Variants in TMPRSS11F observed in about 807,000 individuals in gnomAD.
TMPRSS11F encodes transmembrane serine protease 11F, also known as transmembrane protease serine 11F.
TMPRSS11F carries 47 observed loss-of-function variants against 60.2 expected under a neutral mutation model. The observed-to-expected ratio is 0.78, with a 90% CI of 0.62 to 1.00. TMPRSS11F has a LOEUF of 1.00. Among genes scored for constraint, TMPRSS11F ranks in the 50% least tolerant of loss-of-function variants. TMPRSS11F has a pLI of 0.00. For synonymous variants in TMPRSS11F, 166 were observed against 167.3 expected (o/e 0.99, Z 0.06); for missense variants, 519 against 522.9 (o/e 0.99, Z 0.07).
intron 1 of TMPRSS11F, among the ~76,000 whole-genome samples, chr4:68,111,436 T>C (rs1724408325): frequency 1.3e-5 from 2 of 152,186 alleles, no homozygotes; most frequent in African/African-American, 4.8e-5. Flanking sequence ...ACTAACTGTA[T>C]ATGCTCTCTA....
intron 1 of TMPRSS11F, among the ~76,000 whole-genome samples, chr4:68,099,309 C>T (rs1033598046): frequency 5.3e-5 from 8 of 152,174 alleles, no homozygotes; most frequent in African/African-American, 1.7e-4. Context: ...CAATTTAAAA[C>T]TTTGGTAGTG....
At chr4:68,106,276 T>C (rs1451769565) in intron 1 of TMPRSS11F, among the ~76,000 whole-genome samples, 1 of 152,158 alleles carries the variant, frequency 6.6e-6, no homozygotes, top group South Asian at 2.1e-4. Flanking sequence ...TCTCTTTCTA[T>C]GGTAGGTCTA....
At chr4:68,089,280 GT>G (rs1375473896) in intron 3 of TMPRSS11F, among the ~76,000 whole-genome samples, 4 of 151,966 alleles carry the variant, frequency 2.6e-5, no homozygotes, top group Non-Finnish European at 4.4e-5. Context: ...CTTAGTAAAG[GT>G]ACTTGAGGGC....
chr4:68,129,193 T>C (rs6850933), intron 1 of TMPRSS11F, among the ~76,000 whole-genome samples: 1,554 of 152,206 alleles, frequency 0.01, 21 homozygotes, highest in African/African-American at 0.036. Flanking sequence ...CATAAATATA[T>C]AATACAAATT....
chr4:68,089,529 A>G (rs1159713219), intron 3 of TMPRSS11F, among the ~76,000 whole-genome samples: 1 of 152,172 alleles, frequency 6.6e-6, no homozygotes, highest in Non-Finnish European at 1.5e-5. Flanking sequence ...AGAGAGAGAA[A>G]ATATATTCAT....
At chr4:68,077,020 C>G (rs1475678345) in intron 3 of TMPRSS11F, among the ~76,000 whole-genome samples, 1 of 152,196 alleles carries the variant, frequency 6.6e-6, no homozygotes, top group Admixed American at 6.5e-5. Flanking sequence ...CCCACTCATA[C>G]GCAGGCTGCC....
intron 9 of TMPRSS11F, among the ~76,000 whole-genome samples, chr4:68,056,762 G>C (rs1275505865): frequency 6.6e-6 from 1 of 151,960 alleles, no homozygotes; most frequent in Non-Finnish European, 1.5e-5. Flanking sequence ...AGAGCTACAG[G>C]CCTTATACTA....
At chr4:68,120,995 T>A (rs1056161685) in intron 1 of TMPRSS11F, among the ~76,000 whole-genome samples, 4 of 152,338 alleles carry the variant, frequency 2.6e-5, no homozygotes, top group Non-Finnish European at 5.9e-5. Context: ...ATATAAAAAA[T>A]TTGTGGCACT....
rs34202443 is a variant in TMPRSS11F at position 68,094,571 on chromosome 4, A to AAAATAAAT, written c.164-3938_164-3931dup. Among the ~76,000 whole-genome samples, 409 of 147,756 alleles carry AAAATAAAT rather than the reference A, an allele frequency of 2.8e-3. 2 individuals are homozygous for AAAATAAAT. The highest frequency in any genetic ancestry group is 3.3e-3 in the African/African-American group (135 of 40,720). ...TAATAATAATAAATAAATAAATTTA[A>AAAATAAAT]AAATAAATAAATAAATAAATAAATA... On this transcript the variant is annotated intron_variant, in intron 2 of 9. Coordinates refer to ENST00000356291, the MANE Select transcript of TMPRSS11F (RefSeq NM_207407.2).
At chr4:68,091,747 ATC>A (rs372346277) in intron 2 of TMPRSS11F, among the ~76,000 whole-genome samples, 5,273 of 71,608 alleles carry the variant, frequency 0.074, 158 homozygotes, top group Non-Finnish European at 0.1. Context: ...TTAATCTCTA[ATC>A]TCTCTCTCTC....
At chr4:68,083,476 G>A (rs1470974248) in intron 3 of TMPRSS11F, among the ~76,000 whole-genome samples, 2 of 152,048 alleles carry the variant, frequency 1.3e-5, no homozygotes, top group African/African-American at 4.8e-5. Context: ...CCATCTACTG[G>A]ATCACAGTCT....
At chr4:68,083,292 G>T (rs1364538458) in intron 3 of TMPRSS11F, among the ~76,000 whole-genome samples, 1 of 152,202 alleles carries the variant, frequency 6.6e-6, no homozygotes, top group Non-Finnish European at 1.5e-5. Context: ...TGAGGCTAAA[G>T]AAATGAGGGC....
In TMPRSS11F at chr4:68,053,927, G is replaced by C; in HGVS notation, c.1299C>G (p.Ala433=). 6.2e-7 allele frequency: 1 copy of C among 1,613,432 alleles called. No individual in the cohort carries two copies. The highest frequency in any genetic ancestry group is 8.5e-7 in the Non-Finnish European group (1 of 1,179,512). ...TRVTKYRDWI[A]SKTGM ...ATCCACACTACATACCAGTCTTTGAGGCAATCCAATCTCGATACTTAGTTA... is the reference window on the plus strand; with the variant it reads ...ATCCACACTACATACCAGTCTTTGACGCAATCCAATCTCGATACTTAGTTA... The change falls in exon 10 of 10, where the codon GCC becomes GCG. Residue 433 remains alanine, a synonymous_variant. Transcript: ENST00000356291.
intron 2 of TMPRSS11F, among the ~76,000 whole-genome samples, chr4:68,092,569 A>T (rs1723965879): frequency 6.6e-6 from 1 of 152,118 alleles, no homozygotes; most frequent in Non-Finnish European, 1.5e-5. Flanking sequence ...TTACTGATGG[A>T]TGCGTGGATG....
intron 1 of TMPRSS11F, among the ~76,000 whole-genome samples, chr4:68,116,693 A>G (rs1203379700): frequency 6.6e-6 from 1 of 152,164 alleles, no homozygotes; most frequent in African/African-American, 2.4e-5. Flanking sequence ...AAACTCATGC[A>G]TCTATGCCAA....
At chr4:68,058,965 G>A (rs1283387960) in intron 9 of TMPRSS11F, among the ~76,000 whole-genome samples, 1 of 152,102 alleles carries the variant, frequency 6.6e-6, no homozygotes, top group Non-Finnish European at 1.5e-5. Context: ...CATTTAAACA[G>A]GTCAGTGTTG....
At chr4:68,071,417 G>A (rs1455288027) in intron 5 of TMPRSS11F, among the ~76,000 whole-genome samples, 2 of 152,070 alleles carry the variant, frequency 1.3e-5, no homozygotes, top group Non-Finnish European at 2.9e-5. Context: ...CAAAATACAA[G>A]CCCCTCTCCC....
rs1723705449 is a variant in TMPRSS11F, at chr4:68,082,061, G to T, written c.283-8052C>A. Reference sequence around the variant, plus strand: ...ATACATCAAACAGATCTCTGGGAGAGAAAACACTCAGAGTTGATAGAGAGG... The same window carrying T: ...ATACATCAAACAGATCTCTGGGAGATAAAACACTCAGAGTTGATAGAGAGG... On this transcript the variant is annotated intron_variant, in intron 3 of 9. Transcript: ENST00000356291. 1.3e-5 allele frequency among the ~76,000 whole-genome samples: 2 copies of T among 152,128 alleles called. 1 individual carries two copies. The highest frequency in any genetic ancestry group is 4.2e-4 in the South Asian group (2 of 4,818).
At chr4:68,085,731 C>A (rs558320209) in intron 3 of TMPRSS11F, among the ~76,000 whole-genome samples, 47 of 152,018 alleles carry the variant, frequency 3.1e-4, no homozygotes, top group Admixed American at 6.5e-4. Flanking sequence ...GAGAAAGATC[C>A]GTCATGCAAA....
Sources: allele counts gnomAD v4.1 joint callset (sites outside exome capture counted in the v4.1 genomes callset), GRCh38; gene constraint gnomAD v4.1.1; transcripts MANE v1.5; gene names NCBI Gene and HGNC (gene_info 2026-07-23, HGNC 2026-07-21).